Variants in MATK observed in about 807,000 individuals in gnomAD.
The protein encoded by MATK is megakaryocyte-associated tyrosine-protein kinase.
MATK carries 41 observed loss-of-function variants against 59.8 expected under a neutral mutation model. The ratio of observed to expected loss-of-function variants is 0.69; its 90% CI spans 0.53 to 0.89. The LOEUF (loss-of-function observed/expected upper bound fraction) is 0.89, where lower values mean the gene tolerates loss of function less well. Ranked by LOEUF, MATK falls within the 40% of genes least tolerant of loss-of-function variation. The probability of loss-of-function intolerance (pLI) is 0.00; values close to 1 mark genes in which losing one functional copy is unlikely to be tolerated. For synonymous variants in MATK, 308 were observed against 306.1 expected (o/e 1.01, Z -0.06); for missense variants, 593 against 719.6 (o/e 0.82, Z 2.01).
chr19:3,791,623 G>A (rs1322321051), intron 1 of MATK, among the ~76,000 whole-genome samples: 6 of 151,688 alleles, frequency 4.0e-5, no homozygotes, highest in South Asian at 2.1e-4. Flanking sequence ...GATTACAGGC[G>A]TGAGCCACCG....
intron 13 of MATK, 43 bp from the exon 14 acceptor site, chr19:3,778,465 T>C: frequency 1.2e-6 from 2 of 1,613,718 alleles, no homozygotes; most frequent in Non-Finnish European, 1.7e-6. Context: ...CCACAGCCTC[T>C]GGACCTGCCC....
chr19:3,799,740 C>T (rs536422216), intron 1 of MATK, among the ~76,000 whole-genome samples: 1 of 152,100 alleles, frequency 6.6e-6, no homozygotes, highest in South Asian at 2.1e-4. Flanking sequence ...ACTTGGGAGG[C>T]TGAGGCAGGA....
chr19:3,780,221 A>C (rs1184124389), intron 8 of MATK, among the ~76,000 whole-genome samples: 1 of 151,916 alleles, frequency 6.6e-6, no homozygotes, highest in African/African-American at 2.4e-5. Context: ...CAGAGGTTGC[A>C]GTGAGCCAAG....
intron 1 of MATK, among the ~76,000 whole-genome samples, chr19:3,797,819 G>A (rs2037609774): frequency 6.6e-6 from 1 of 152,056 alleles, no homozygotes; most frequent in Non-Finnish European, 1.5e-5. Flanking sequence ...AGGCTGATGG[G>A]TCACCAGAGG....
upstream of MATK, among the ~76,000 whole-genome samples, chr19:3,789,983 C>A (rs752532907): frequency 3.9e-4 from 60 of 152,102 alleles, no homozygotes; most frequent in Middle Eastern, 3.4e-3. Flanking sequence ...CTCACTGCAA[C>A]CTCCATCTCC....
chr19:3,796,598 CTCTT>C (rs2037597112), intron 1 of MATK, among the ~76,000 whole-genome samples: 1 of 152,104 alleles, frequency 6.6e-6, no homozygotes, highest in Non-Finnish European at 1.5e-5. Context: ...GTGTCTGTGA[CTCTT>C]TCCCCCAGCC....
chr19:3,786,233 C>A lies in MATK; in HGVS notation c.-216G>T. ...CCCCAGGAGGGCCTCCGCGAGCCGGCTGCACACCCCGAGGCGGTCCCGGCT... is the reference window on the plus strand; with the variant it reads ...CCCCAGGAGGGCCTCCGCGAGCCGGATGCACACCCCGAGGCGGTCCCGGCT... On this transcript the variant is annotated 5_prime_UTR_variant, in exon 1 of 14. Transcript: ENST00000310132. This position sits in a 1 kb window ranked among gnomAD's most constrained non-coding sequence, Gnocchi z 4.1. The A allele has an allele frequency of 1.0e-6, 1 of 985,370 alleles. No homozygotes were observed. The highest frequency in any genetic ancestry group is 1.2e-6 in the Non-Finnish European group (1 of 829,948). 61.0% of individuals were successfully genotyped at this position (985,370 alleles called of 1,614,324 possible).
At chr19:3,794,629 T>C (rs2037575430) in intron 1 of MATK, among the ~76,000 whole-genome samples, 1 of 152,164 alleles carries the variant, frequency 6.6e-6, no homozygotes, top group Non-Finnish European at 1.5e-5. Flanking sequence ...CACTCCAGCC[T>C]GGGCAACAGA....
chr19:3,781,017 C>T (rs1034224292), intron 8 of MATK, among the ~76,000 whole-genome samples: 8 of 152,180 alleles, frequency 5.3e-5, no homozygotes, highest in Non-Finnish European at 1.0e-4. Context: ...GCATGAGCCA[C>T]CGTGCCTGGC....
In MATK at chr19:3,778,715, C is replaced by T. The variant is rs927754387; in HGVS notation, c.1198-120G>A. On this transcript the variant is annotated intron_variant, in intron 12 of 13. Transcript: ENST00000310132. ...TCTCTGGTCTTCTCCTAATTGAGTC[C>T]TCCCCCAACGCCGCCCGCAGTTGAG... is the stretch of plus-strand genomic sequence containing the variant. 18 of 1,148,346 alleles carry T rather than the reference C, an allele frequency of 1.6e-5. No individual in the cohort carries two copies. The African/African-American group carries it at 1.8e-4, about 12-fold the overall frequency. The allele number at this position is 1,148,346 out of a possible 1,614,324, so 71.1% of individuals were successfully genotyped here.
chr19:3,786,578 G>GC (rs1167250652), upstream of MATK, among the ~76,000 whole-genome samples: 1 of 130,178 alleles, frequency 7.7e-6, no homozygotes, highest in Non-Finnish European at 1.7e-5. This position sits in a 1 kb window ranked among gnomAD's most constrained non-coding sequence, Gnocchi z 4.1. Context: ...AACGGGCGCC[G>GC]CCAGTGCGCG....
In MATK at chr19:3,781,599, C is replaced by T; in HGVS notation, c.742+8G>A. Reference sequence around the variant, plus strand: ...CCTTCAGCACCCCCAACCCAGTCCGCCACTCACCTCCAAACTCTCCCTCTC... The same window carrying T: ...CCTTCAGCACCCCCAACCCAGTCCGTCACTCACCTCCAAACTCTCCCTCTC... On this transcript the variant is annotated splice_region_variant and intron_variant, in intron 8 of 13. Coordinates refer to ENST00000310132, the MANE Select transcript of MATK (RefSeq NM_139355.3). The T allele has an allele frequency of 6.2e-7, 1 of 1,613,932 alleles. No homozygotes were observed. The highest frequency in any genetic ancestry group is 8.5e-7 in the Non-Finnish European group (1 of 1,179,924).
upstream of MATK, chr19:3,789,465 G>A: frequency 1.7e-6 from 1 of 579,732 alleles, no homozygotes; most frequent in Non-Finnish European, 3.2e-6. Flanking sequence ...CGGGCAGGAG[G>A]CCTCACCCCA....
At chr19:3,784,492 C>T (rs964342624) in intron 3 of MATK, 41 bp from the exon 4 acceptor site, 13 of 1,447,274 alleles carry the variant, frequency 9.0e-6, no homozygotes, top group African/African-American at 4.2e-5. Context: ...GAGGACATCA[C>T]GGAGATGTGG....
At chr19:3,794,483 GTC>G (rs1457138103) in intron 1 of MATK, among the ~76,000 whole-genome samples, 1 of 151,980 alleles carries the variant, frequency 6.6e-6, no homozygotes, top group African/African-American at 2.4e-5. Context: ...GTGAGACCCT[GTC>G]TCTACAAAAA....
At chr19:3,779,477 G>A (rs781770899) in intron 10 of MATK, 26 bp from the exon 11 acceptor site, 1 of 1,612,592 alleles carries the variant, frequency 6.2e-7, no homozygotes, top group Non-Finnish European at 8.5e-7. Context: ...GATGGCCGCG[G>A]GATGTTGGGG....
At chr19:3,787,831 A>G (rs1291581381), upstream of MATK, 4 of 152,110 alleles carry the variant, frequency 2.6e-5, no homozygotes, top group African/African-American at 9.7e-5. Flanking sequence ...ACTTGGGGGC[A>G]TCACATGATT....
At chr19:3,791,476 G>A (rs1474408523) in intron 1 of MATK, among the ~76,000 whole-genome samples, 3 of 151,872 alleles carry the variant, frequency 2.0e-5, no homozygotes, top group African/African-American at 7.3e-5. Flanking sequence ...CCAAGTAGCT[G>A]GGATTACAGG....
At chr19:3,795,954 G>T (rs1399847804) in intron 1 of MATK, among the ~76,000 whole-genome samples, 1 of 149,982 alleles carries the variant, frequency 6.7e-6, no homozygotes, top group Non-Finnish European at 1.5e-5. Flanking sequence ...TAGAGATGAG[G>T]TTTCACCATG....
Sources: allele counts gnomAD v4.1 joint callset (sites outside exome capture counted in the v4.1 genomes callset), GRCh38; gene constraint gnomAD v4.1.1; non-coding constraint Gnocchi (gnomAD v3.1); transcripts MANE v1.5; gene names NCBI Gene and HGNC (gene_info 2026-07-23, HGNC 2026-07-21).